Variants in CSMD1 observed in about 807,000 individuals in gnomAD.
CSMD1 encodes the protein CUB and sushi domain-containing protein 1.
CSMD1 carries 213 observed loss-of-function variants against 417.5 expected under a neutral mutation model. That is an observed-to-expected ratio of 0.51 (90% CI 0.46 to 0.57). CSMD1 has a LOEUF of 0.57. Among genes scored for constraint, CSMD1 ranks in the 20% least tolerant of loss-of-function variants. CSMD1 has a pLI of 0.00. For synonymous variants in CSMD1, 2,862 were observed against 1,736.8 expected (o/e 1.65, Z -16.11); for missense variants, 6,923 against 4,529.7 (o/e 1.53, Z -15.17).
At chr8:3,360,095 C>T (rs757516347) in intron 20 of CSMD1, among the ~76,000 whole-genome samples, 1 of 152,104 alleles carries the variant, frequency 6.6e-6, no homozygotes, top group Non-Finnish European at 1.5e-5. Flanking sequence ...TTATCAGAGC[C>T]AATTTTGCCT....
At chr8:4,757,045 ATTGTGT>A (rs1234493253) in intron 1 of CSMD1, among the ~76,000 whole-genome samples, 1 of 152,252 alleles carries the variant, frequency 6.6e-6, no homozygotes, top group Non-Finnish European at 1.5e-5. Flanking sequence ...GCAGGAATGC[ATTGTGT>A]TTAAGAAACT....
chr8:3,499,878 C>T (rs1235848944), intron 10 of CSMD1, among the ~76,000 whole-genome samples: 1 of 152,098 alleles, frequency 6.6e-6, no homozygotes, highest in Non-Finnish European at 1.5e-5. Flanking sequence ...TGGCACCATG[C>T]TGCAGCAGCC....
chr8:3,631,884 G>A (rs1237222397), intron 7 of CSMD1, among the ~76,000 whole-genome samples: 2 of 152,112 alleles, frequency 1.3e-5, no homozygotes, highest in Non-Finnish European at 2.9e-5. Context: ...AAGATAACCT[G>A]ACTTTATGCA....
At chr8:3,211,937 C>T (rs1797634915) in intron 30 of CSMD1, among the ~76,000 whole-genome samples, 1 of 152,132 alleles carries the variant, frequency 6.6e-6, no homozygotes, top group South Asian at 2.1e-4. Context: ...GAGGTGTGGC[C>T]CACCCTGGGC....
intron 3 of CSMD1, among the ~76,000 whole-genome samples, chr8:4,285,343 A>G (rs1407687629): frequency 6.6e-6 from 1 of 152,174 alleles, no homozygotes; most frequent in Admixed American, 6.6e-5. Flanking sequence ...TTTCATTTAG[A>G]ACTCCCATCT....
chr8:4,764,888 A>AAAAAAAGACAAAACAAAAC (rs1812349564), intron 1 of CSMD1, among the ~76,000 whole-genome samples: 1 of 43,704 alleles, frequency 2.3e-5, no homozygotes, highest in Non-Finnish European at 3.9e-5. Context: ...AAAAAAAAAA[A>AAAAAAAGACAAAACAAAAC]AAAAAACAAC....
chr8:3,851,925 G>A (rs1458008660), intron 5 of CSMD1, among the ~76,000 whole-genome samples: 2 of 152,128 alleles, frequency 1.3e-5, no homozygotes, highest in Admixed American at 6.5e-5. Flanking sequence ...CTGGGGGCCT[G>A]AGCATTGAAG....
chr8:4,518,517 C>CA (rs1374941810), intron 2 of CSMD1, among the ~76,000 whole-genome samples: 2 of 150,224 alleles, frequency 1.3e-5, no homozygotes, highest in Non-Finnish European at 2.9e-5. Flanking sequence ...ATCGCAAGGA[C>CA]AAAAAACCAA....
At chr8:3,478,307 C>A (rs1163275891) in intron 11 of CSMD1, among the ~76,000 whole-genome samples, 2 of 152,226 alleles carry the variant, frequency 1.3e-5, no homozygotes, top group African/African-American at 4.8e-5. Context: ...TCTTGCAGAT[C>A]TAAGGGGAAA....
At chr8:3,397,661 G>A (rs556200771) in intron 16 of CSMD1, among the ~76,000 whole-genome samples, 23 of 152,250 alleles carry the variant, frequency 1.5e-4, no homozygotes, top group African/African-American at 4.8e-4. Context: ...AAGAAGTCTG[G>A]CTAAGCGTGA....
intron 12 of CSMD1, among the ~76,000 whole-genome samples, chr8:3,425,873 C>T (rs1585146831): frequency 1.3e-5 from 2 of 152,152 alleles, no homozygotes; most frequent in East Asian, 3.9e-4. Flanking sequence ...TCAAAGATGA[C>T]CACAAAAGAT....
chr8:4,413,149 G>C (rs1021971460), intron 3 of CSMD1, among the ~76,000 whole-genome samples: 1 of 152,176 alleles, frequency 6.6e-6, no homozygotes, highest in Admixed American at 6.5e-5. Context: ...CAGTCTCACA[G>C]TGGACCAGAA....
chr8:3,390,846 T>C (rs979600450), intron 17 of CSMD1, among the ~76,000 whole-genome samples: 1 of 152,160 alleles, frequency 6.6e-6, no homozygotes. Flanking sequence ...AATGAACATT[T>C]CCTGAGCACA....
At chr8:4,364,307 C>T (rs1379073428) in intron 3 of CSMD1, among the ~76,000 whole-genome samples, 1 of 152,130 alleles carries the variant, frequency 6.6e-6, no homozygotes, top group Non-Finnish European at 1.5e-5. Flanking sequence ...CATTAAGGTC[C>T]TCTTGATAAG....
intron 3 of CSMD1, among the ~76,000 whole-genome samples, chr8:4,396,909 A>T (rs1804266447): frequency 6.6e-6 from 1 of 152,088 alleles, no homozygotes; most frequent in Admixed American, 6.6e-5. Context: ...GGGAAACAAA[A>T]GACTACACCT....
At position 3,471,928 on chromosome 8, in the gene CSMD1, C is replaced by T. The variant is rs554436551; in HGVS notation, c.1449-3104G>A. The stretch of plus-strand genomic sequence containing the variant: ...CATGGCACTTGGTTCACATGCAAAA[C>T]GAGTCGAGGAGAGTGTTTTCCCTTC... On this transcript the variant is annotated intron_variant, in intron 11 of 69. Transcript: ENST00000635120. 1.1e-4 allele frequency among the ~76,000 whole-genome samples: 16 copies of T among 152,170 alleles called. No homozygotes were observed. The South Asian group carries it at 2.5e-3, about 24-fold the overall frequency.
chr8:3,990,888 G>C (rs994809791), intron 5 of CSMD1, among the ~76,000 whole-genome samples: 8 of 152,210 alleles, frequency 5.3e-5, no homozygotes. Context: ...TTTGCTCCTG[G>C]AGGTCCATTC....
At chr8:4,031,816 T>G in intron 4 of CSMD1, 89 bp downstream of exon 4, 2 of 1,020,138 alleles carry the variant, frequency 2.0e-6, no homozygotes, top group East Asian at 2.7e-5. Flanking sequence ...ATGTATTATT[T>G]TCATTTAAGT....
intron 2 of CSMD1, among the ~76,000 whole-genome samples, chr8:4,609,515 T>C: frequency 6.6e-6 from 1 of 152,224 alleles, no homozygotes. Context: ...AATTAGCTAT[T>C]AAACAACACT....
Sources: allele counts gnomAD v4.1 joint callset (sites outside exome capture counted in the v4.1 genomes callset), GRCh38; gene constraint gnomAD v4.1.1; transcripts MANE v1.5; gene names NCBI Gene and HGNC (gene_info 2026-07-23, HGNC 2026-07-21).